The following PTGFR variants were observed in gnomAD, a reference collection of about 807,000 sequenced individuals.
PTGFR encodes prostaglandin F receptor.
A neutral mutation model predicts 26.2 loss-of-function variants in PTGFR; 15 were observed. That is an observed-to-expected ratio of 0.57 (90% CI 0.38 to 0.88). The LOEUF (loss-of-function observed/expected upper bound fraction) is 0.88, where lower values mean the gene tolerates loss of function less well. Among genes scored for constraint, PTGFR ranks in the 40% least tolerant of loss-of-function variants. The pLI, the probability that PTGFR is intolerant of heterozygous loss-of-function variation, is 0.00. For missense variants in PTGFR, 369 were observed against 427.2 expected (o/e 0.86, Z 1.20); for synonymous variants, 165 against 151.1 (o/e 1.09, Z -0.68).
Position 78,539,424 on chromosome 1 carries a change from T to C in PTGFR, c.*2737T>C, listed in dbSNP as rs1650738916. 1 of 152,490 alleles carries C rather than the reference T, an allele frequency of 6.6e-6. No homozygotes were observed. Among genetic ancestry groups the C allele is most frequent in the Admixed American group, 6.6e-5 (1 of 15,238 alleles). 9.4% of individuals were successfully genotyped at this position (152,490 alleles called of 1,614,324 possible). A position where few individuals can be genotyped will look rare whatever the true frequency, so the allele number is the denominator to read the frequency against. ...CCTGTATACCATCATTGTTCCAAAT[T>C]AAATAACTGTTTTGGGTCAGAATAT... On this transcript the variant is annotated 3_prime_UTR_variant, in exon 3 of 3. Transcript: ENST00000370757.
chr1:78,520,366 A>G (rs1282974075), intron 2 of PTGFR, among the ~76,000 whole-genome samples: 2 of 152,142 alleles, frequency 1.3e-5, no homozygotes, highest in Non-Finnish European at 2.9e-5. Flanking sequence ...TAAGAATACA[A>G]TATCTTCCGT....
intron 2 of PTGFR, among the ~76,000 whole-genome samples, chr1:78,531,197 A>T (rs542084615): frequency 2.3e-4 from 35 of 152,308 alleles, no homozygotes; most frequent in Admixed American, 1.8e-3. Context: ...CTAATTGATT[A>T]GTCAGTGAGT....
chr1:78,507,580 C>G (rs1570278249), intron 2 of PTGFR, among the ~76,000 whole-genome samples: 1 of 152,128 alleles, frequency 6.6e-6, no homozygotes, highest in Admixed American at 6.5e-5. Context: ...GAGCCTAATA[C>G]AGGACATGTC....
intron 2 of PTGFR, among the ~76,000 whole-genome samples, chr1:78,494,631 A>C (rs888927601): frequency 1.3e-5 from 2 of 152,158 alleles, no homozygotes; most frequent in Non-Finnish European, 2.9e-5. Context: ...TTTGAGACGG[A>C]GGCTCGCTCT....
At chr1:78,511,855 G>A (rs1273655407) in intron 2 of PTGFR, among the ~76,000 whole-genome samples, 1 of 152,136 alleles carries the variant, frequency 6.6e-6, no homozygotes, top group East Asian at 1.9e-4. Context: ...ATCATAGGCT[G>A]TTAGAAGCAG....
At chr1:78,518,450 G>A (rs1257587008) in intron 2 of PTGFR, among the ~76,000 whole-genome samples, 1 of 151,680 alleles carries the variant, frequency 6.6e-6, no homozygotes. Flanking sequence ...CTATGTTTTA[G>A]TTACCAATTG....
intron 2 of PTGFR, among the ~76,000 whole-genome samples, chr1:78,516,686 T>A (rs1308462745): frequency 2.0e-5 from 3 of 152,174 alleles, no homozygotes; most frequent in Admixed American, 6.5e-5. Flanking sequence ...ATTCAAAATT[T>A]AAAAAATGGA....
chr1:78,534,695 T>TA (rs1650603918), intron 2 of PTGFR, among the ~76,000 whole-genome samples: 1 of 142,942 alleles, frequency 7.0e-6, no homozygotes, highest in Non-Finnish European at 1.6e-5. Flanking sequence ...ATTACATATT[T>TA]GGTTTTTTTT....
At chr1:78,531,893 T>C (rs1039411935) in intron 2 of PTGFR, among the ~76,000 whole-genome samples, 2 of 152,100 alleles carry the variant, frequency 1.3e-5, no homozygotes, top group African/African-American at 4.8e-5. Flanking sequence ...ACTGACATTA[T>C]CTCATTTCAA....
intron 2 of PTGFR, among the ~76,000 whole-genome samples, chr1:78,513,020 C>A (rs188912439): frequency 1.1e-3 from 167 of 152,288 alleles, no homozygotes; most frequent in Middle Eastern, 3.4e-3. Flanking sequence ...GCCTGTAGAA[C>A]CTTGAGCTGA....
At chr1:78,513,409 G>A (rs1213461111) in intron 2 of PTGFR, among the ~76,000 whole-genome samples, 1 of 152,226 alleles carries the variant, frequency 6.6e-6, no homozygotes, top group Admixed American at 6.5e-5. Context: ...TTGTGTTCAT[G>A]ACCCAGGCAT....
At chr1:78,531,564 A>G (rs796156072) in intron 2 of PTGFR, among the ~76,000 whole-genome samples, 8 of 152,312 alleles carry the variant, frequency 5.3e-5, no homozygotes, top group African/African-American at 1.9e-4. Flanking sequence ...TTTTGGGCAG[A>G]CCAGAAGTTA....
chr1:78,499,693 AT>A (rs1190927027), intron 2 of PTGFR, among the ~76,000 whole-genome samples: 6 of 152,182 alleles, frequency 3.9e-5, no homozygotes, highest in Non-Finnish European at 8.8e-5. Context: ...GTCCTGGAGA[AT>A]CTTGGACTTT....
rs181243651 is a variant in PTGFR at position 78,537,455 on chromosome 1, C to A, written c.*768C>A. The stretch of plus-strand genomic sequence containing the variant: ...TTTTAGAGAAACAAAGGCTCTTTCT[C>A]AGCACATTGATGGGCAACTAGAATT... On this transcript the variant is annotated 3_prime_UTR_variant, in exon 3 of 3. Coordinates refer to ENST00000370757, the MANE Select transcript of PTGFR (RefSeq NM_000959.4). 10 of 152,210 alleles carry A rather than the reference C, an allele frequency of 6.6e-5. No homozygotes were observed. The highest frequency in any genetic ancestry group is 2.4e-4 in the African/African-American group (10 of 41,546). The allele number at this position is 152,210 out of a possible 1,614,324, so 9.4% of individuals were successfully genotyped here.
chr1:78,498,814 A>G (rs1164510535), intron 2 of PTGFR, among the ~76,000 whole-genome samples: 1 of 152,164 alleles, frequency 6.6e-6, no homozygotes, highest in African/African-American at 2.4e-5. Flanking sequence ...TTTCAGAGGC[A>G]ATATTTTCAT....
intron 1 of PTGFR, among the ~76,000 whole-genome samples, chr1:78,492,334 T>A (rs1264020702): frequency 6.6e-6 from 1 of 152,186 alleles, no homozygotes; most frequent in Non-Finnish European, 1.5e-5. Context: ...TTAAAAAATC[T>A]TATTGGGTTT....
intron 2 of PTGFR, among the ~76,000 whole-genome samples, chr1:78,528,453 A>T (rs2100395330): frequency 6.6e-6 from 1 of 152,152 alleles, no homozygotes; most frequent in East Asian, 1.9e-4. Flanking sequence ...TCCCGACCAG[A>T]AGTATATATG....
chr1:78,514,480 C>T (rs78571918), intron 2 of PTGFR, among the ~76,000 whole-genome samples: 1 of 152,046 alleles, frequency 6.6e-6, no homozygotes, highest in Non-Finnish European at 1.5e-5. Flanking sequence ...TGTCTGTATA[C>T]CCTTGTATCT....
chr1:78,494,672 C>G (rs1489444871), intron 2 of PTGFR, among the ~76,000 whole-genome samples: 1 of 152,164 alleles, frequency 6.6e-6, no homozygotes, highest in African/African-American at 2.4e-5. Context: ...GTGGTGCGAT[C>G]TCGGCTTATT....
Sources: gnomAD v4.1 joint callset for allele counts (sites outside exome capture counted in the v4.1 genomes callset) on GRCh38, gnomAD v4.1.1 for gene constraint, MANE v1.5 for transcripts, NCBI Gene and HGNC (gene_info 2026-07-23, HGNC 2026-07-21) for gene names.